The following CDC42SE2 variants were observed in gnomAD, a reference collection of about 807,000 sequenced individuals.
The protein encoded by CDC42SE2 is CDC42 small effector 2.
CDC42SE2 carries 3 observed loss-of-function variants against 11.5 expected under a neutral mutation model. The observed-to-expected ratio is 0.26, with a 90% CI of 0.12 to 0.67. CDC42SE2 has a LOEUF of 0.67. Ranked by LOEUF, CDC42SE2 falls within the 30% of genes least tolerant of loss-of-function variation. The pLI, the probability that CDC42SE2 is intolerant of heterozygous loss-of-function variation, is 0.80. For missense variants in CDC42SE2, 82 were observed against 106.8 expected (o/e 0.77, Z 1.02); for synonymous variants, 33 against 34.8 (o/e 0.95, Z 0.18).
At chr5:131,263,720 T>C (rs933721105), upstream of CDC42SE2, 2 of 127,116 alleles carry the variant, frequency 1.6e-5, no homozygotes, top group Non-Finnish European at 3.2e-5. Context: ...CGGGCCGGGG[T>C]GGGAAGGGGC....
At position 131,375,477 on chromosome 5, in the gene CDC42SE2, A is replaced by G. The variant is rs187324756; in HGVS notation, c.55-10066A>G. Reference sequence around the variant, plus strand: ...TTGACTTAGATAATTCTCTGCTTATAATACTAGCTGGTTTTGGTTTCTCTG... The same window carrying G: ...TTGACTTAGATAATTCTCTGCTTATGATACTAGCTGGTTTTGGTTTCTCTG... On this transcript the variant is annotated intron_variant, in intron 3 of 4. Coordinates refer to ENST00000505065, the MANE Select transcript of CDC42SE2 (RefSeq NM_001375635.1). Among the ~76,000 whole-genome samples the G allele has an allele frequency of 1.2e-4, 18 of 152,308 alleles. 1 individual carries two copies. The East Asian group carries it at 3.5e-3, about 29-fold the overall frequency.
chr5:131,231,938 C>T, the CDC42SE2 span, among the ~76,000 whole-genome samples: 5 of 151,810 alleles, frequency 3.3e-5, no homozygotes, highest in Admixed American at 6.6e-5. Context: ...ATTACAGGTG[C>T]GCACCATGAC....
chr5:131,377,174 AT>A (rs35859756), intron 3 of CDC42SE2, among the ~76,000 whole-genome samples: 33,838 of 138,846 alleles, frequency 0.24, 3,663 homozygotes, highest in East Asian at 0.46. Context: ...ACTATATGTA[AT>A]TTTTTTTTTT....
chr5:131,324,185 G>A (rs1157956005), intron 2 of CDC42SE2, among the ~76,000 whole-genome samples: 1 of 152,086 alleles, frequency 6.6e-6, no homozygotes, highest in Non-Finnish European at 1.5e-5. Flanking sequence ...TCACATCACT[G>A]TATGAATATC....
intron 3 of CDC42SE2, among the ~76,000 whole-genome samples, chr5:131,381,237 T>C (rs1209151779): frequency 1.3e-5 from 2 of 152,214 alleles, no homozygotes; most frequent in Non-Finnish European, 2.9e-5. Context: ...CACTCTCTGC[T>C]GAAATCTGAA....
upstream of CDC42SE2, among the ~76,000 whole-genome samples, chr5:131,263,316 GCTTA>G (rs1276357363): frequency 6.6e-6 from 1 of 152,102 alleles, no homozygotes; most frequent in African/African-American, 2.4e-5. Flanking sequence ...AGGTTCGAGA[GCTTA>G]CTTCAGTGGC....
chr5:131,313,023 C>A (rs928754591), intron 1 of CDC42SE2, among the ~76,000 whole-genome samples: 6 of 151,792 alleles, frequency 4.0e-5, no homozygotes, highest in Non-Finnish European at 7.4e-5. Context: ...TGCTCTGTCA[C>A]CCAGGCTGTA....
At chr5:131,379,995 C>T (rs1750270953) in intron 3 of CDC42SE2, among the ~76,000 whole-genome samples, 1 of 151,312 alleles carries the variant, frequency 6.6e-6, no homozygotes, top group Non-Finnish European at 1.5e-5. Flanking sequence ...CTCACTGCAA[C>T]CTCTCCCCGC....
chr5:131,302,062 G>A (rs563699065), intron 1 of CDC42SE2, among the ~76,000 whole-genome samples: 15 of 152,062 alleles, frequency 9.9e-5, no homozygotes, highest in African/African-American at 3.6e-4. Flanking sequence ...ACTGCAATGC[G>A]GTGACGAGAT....
chr5:131,334,175 G>T (rs552645465), intron 2 of CDC42SE2, among the ~76,000 whole-genome samples: 1 of 152,064 alleles, frequency 6.6e-6, no homozygotes, highest in African/African-American at 2.4e-5. Flanking sequence ...TAGCATGAAG[G>T]GTTGTTGAAT....
intron 1 of CDC42SE2, among the ~76,000 whole-genome samples, chr5:131,313,238 T>G (rs1392527010): frequency 6.6e-6 from 1 of 152,126 alleles, no homozygotes; most frequent in Non-Finnish European, 1.5e-5. Context: ...TGCCTCGGCC[T>G]CCCAAAGTGC....
At chr5:131,310,144 G>C in intron 1 of CDC42SE2, among the ~76,000 whole-genome samples, 1 of 151,828 alleles carries the variant, frequency 6.6e-6, no homozygotes. Context: ...CTGGTATGTT[G>C]TGTCTTTGTT....
chr5:131,225,564 C>T, the CDC42SE2 span, among the ~76,000 whole-genome samples: 128,288 of 152,146 alleles, frequency 0.84, 54,551 homozygotes, highest in African/African-American at 0.94. Context: ...TGGAAATTGG[C>T]ATGAGGAGTC....
intron 3 of CDC42SE2, among the ~76,000 whole-genome samples, chr5:131,384,954 A>G (rs948521871): frequency 4.0e-5 from 6 of 150,662 alleles, no homozygotes; most frequent in Admixed American, 2.6e-4. Context: ...AGTGAGTAAG[A>G]CCCAGCCTAG....
the CDC42SE2 span, among the ~76,000 whole-genome samples, chr5:131,227,464 G>A: frequency 1.2e-4 from 18 of 152,170 alleles, no homozygotes; most frequent in Middle Eastern, 0.014. Flanking sequence ...GTGAAACCCC[G>A]TCTCTACTAA....
chr5:131,239,638 T>A, the CDC42SE2 span, among the ~76,000 whole-genome samples: 1 of 152,160 alleles, frequency 6.6e-6, no homozygotes, highest in Non-Finnish European at 1.5e-5. Context: ...AAGAACAACC[T>A]TATAGAGCAG....
At chr5:131,215,034 G>A in the CDC42SE2 span, among the ~76,000 whole-genome samples, 2 of 152,240 alleles carry the variant, frequency 1.3e-5, no homozygotes, top group South Asian at 4.1e-4. Flanking sequence ...CTCAGGGACA[G>A]TCTGTTACCT....
chr5:131,327,270 C>T (rs192976342), intron 2 of CDC42SE2, among the ~76,000 whole-genome samples: 1 of 152,250 alleles, frequency 6.6e-6, no homozygotes, highest in East Asian at 1.9e-4. Context: ...CTAAATATGA[C>T]AGATACTCTA....
chr5:131,367,890 T>A (rs1267811402), intron 3 of CDC42SE2, among the ~76,000 whole-genome samples: 1 of 152,110 alleles, frequency 6.6e-6, no homozygotes. Context: ...TTCTGTGGAT[T>A]TTTGGAGAAG....
Sources: allele counts gnomAD v4.1 joint callset (sites outside exome capture counted in the v4.1 genomes callset), GRCh38; gene constraint gnomAD v4.1.1; transcripts MANE v1.5; gene names NCBI Gene and HGNC (gene_info 2026-07-23, HGNC 2026-07-21).